The following DYNC2LI1 variants were observed in gnomAD, a reference collection of about 807,000 sequenced individuals.
DYNC2LI1 encodes dynein cytoplasmic 2 light intermediate chain 1.
Under a neutral mutation model 51.9 loss-of-function variants are expected in DYNC2LI1, and 45 were observed. The observed-to-expected ratio is 0.87, with a 90% CI of 0.68 to 1.11. The LOEUF is 1.11. DYNC2LI1 is among the 50% of genes most tolerant of loss of function. The pLI, the probability that DYNC2LI1 is intolerant of heterozygous loss-of-function variation, is 0.00. For missense variants in DYNC2LI1, 490 were observed against 417.4 expected (o/e 1.17, Z -1.51); for synonymous variants, 130 against 137.8 (o/e 0.94, Z 0.40).
chr2:43,779,717 T>G (rs942287298), intron 2 of DYNC2LI1, among the ~76,000 whole-genome samples: 6 of 152,102 alleles, frequency 3.9e-5, no homozygotes, highest in Admixed American at 3.9e-4. Flanking sequence ...GAGTGTGGAG[T>G]ATTCTAAGAT....
rs561404332 is a variant in DYNC2LI1 at position 43,809,807 on chromosome 2, A to G, written c.*40A>G. 6.4e-7 allele frequency: 1 copy of G among 1,570,946 alleles called. No homozygotes were observed. The highest frequency in any genetic ancestry group is 2.3e-5 in the East Asian group (1 of 43,266). The stretch of plus-strand genomic sequence containing the variant: ...TTGTATATTTATTTCTTCTTTTCCA[A>G]ATACAAATAAGATTATACTGTGAAT... On this transcript the variant is annotated 3_prime_UTR_variant, in exon 13 of 13. Coordinates refer to ENST00000260605, the MANE Select transcript of DYNC2LI1 (RefSeq NM_016008.4).
At chr2:43,795,102 A>G (rs1341907413) in intron 6 of DYNC2LI1, 2 of 1,000,066 alleles carry the variant, frequency 2.0e-6, no homozygotes, top group Non-Finnish European at 2.4e-6. Flanking sequence ...ATCATCTGAC[A>G]GCTAATTAAA....
chr2:43,783,467 A>G (rs1018916199), intron 2 of DYNC2LI1, 53 bp from the exon 3 acceptor site: 35 of 1,340,252 alleles, frequency 2.6e-5, no homozygotes, highest in African/African-American at 3.1e-5. Flanking sequence ...CAATAATACA[A>G]TTTTTACATA....
rs758230490 is a variant in DYNC2LI1 at position 43,794,460 on chromosome 2, G to T, written c.324G>T (p.Thr108=). 1.2e-6 allele frequency: 2 copies of T among 1,603,550 alleles called. No homozygotes were observed. The highest frequency in any genetic ancestry group is 1.1e-5 in the South Asian group (1 of 89,688). The change falls in exon 6 of 13, where the codon ACG becomes ACT. Residue 108 remains threonine (T), a synonymous_variant. Coordinates refer to ENST00000260605, the MANE Select transcript of DYNC2LI1 (RefSeq NM_016008.4). ...SIPITGDTLR[T]FSLVLVLDLS... is the part of the protein sequence containing the mutation. ...AAAAGTGTTTTTATTTCTTTAGGAC[G>T]TTTTCTCTTGTTCTCGTTCTGGATC... is the stretch of plus-strand genomic sequence containing the variant.
At chr2:43,792,757 T>A in intron 5 of DYNC2LI1, 1 of 1,545,476 alleles carries the variant, frequency 6.5e-7, no homozygotes, top group South Asian at 1.2e-5. Context: ...TCATTCATTA[T>A]TTGTCCTTTT....
chr2:43,804,997 A>T (rs1237088190), intron 11 of DYNC2LI1, among the ~76,000 whole-genome samples, 157 bp from the exon 12 acceptor site: 1 of 152,118 alleles, frequency 6.6e-6, no homozygotes, highest in African/African-American at 2.4e-5. Flanking sequence ...GACCTGGCAG[A>T]ATTGGAAGTG....
chr2:43,804,812 G>A (rs1464802481), intron 11 of DYNC2LI1, 73 bp downstream of exon 11: 1 of 881,758 alleles, frequency 1.1e-6, no homozygotes, highest in Non-Finnish European at 1.7e-6. Flanking sequence ...GTGTCAAAGG[G>A]CTTATTATGA....
rs549678206 is a variant in DYNC2LI1 at position 43,781,607 on chromosome 2, C to CT, written c.127-1900dup. On this transcript the variant is annotated intron_variant, in intron 2 of 12. Coordinates refer to ENST00000260605, the MANE Select transcript of DYNC2LI1 (RefSeq NM_016008.4). ...ATTAGAAAATCCTGATTTTCTTTTT[C>CT]TTTTTTTTTTTTTGAGACAGAGTCT... is the stretch of plus-strand genomic sequence containing the variant. The CT allele has an allele frequency of 1.1e-3, 84 of 76,250 alleles. 1 individual carries two copies. The highest frequency in any genetic ancestry group is 1.4e-3 in the Non-Finnish European group (49 of 34,600). 4.7% of individuals were successfully genotyped at this position (76,250 alleles called of 1,614,324 possible).
At chr2:43,813,364 C>G (rs1666585787), downstream of DYNC2LI1, 2 of 1,307,738 alleles carry the variant, frequency 1.5e-6, no homozygotes, top group Admixed American at 1.8e-5. Context: ...GTAATTTAAT[C>G]AACAAGTATT....
Position 43,787,476 on chromosome 2 carries a change from A to G in DYNC2LI1, c.231+226A>G, listed in dbSNP as rs548729756. On this transcript the variant is annotated intron_variant, in intron 4 of 12. Coordinates refer to ENST00000260605, the MANE Select transcript of DYNC2LI1 (RefSeq NM_016008.4). ...TATTATGTCTTAAAATGCTAGAATAAGATACCTTTTTAACTTTATTGTACA... is the reference window on the plus strand; with the variant it reads ...TATTATGTCTTAAAATGCTAGAATAGGATACCTTTTTAACTTTATTGTACA... Among the ~76,000 whole-genome samples the G allele has an allele frequency of 2.6e-5, 4 of 152,354 alleles. No homozygotes were observed. The South Asian group carries it at 8.3e-4, about 32-fold the overall frequency.
At chr2:43,824,368 C>T in the DYNC2LI1 span, 4 of 1,614,056 alleles carry the variant, frequency 2.5e-6, no homozygotes, top group South Asian at 3.3e-5. Context: ...ATTCTATCAT[C>T]TGGACTCTCT....
intron 5 of DYNC2LI1, among the ~76,000 whole-genome samples, chr2:43,792,431 A>G (rs1468388602): frequency 6.6e-6 from 1 of 152,182 alleles, no homozygotes; most frequent in East Asian, 1.9e-4. Flanking sequence ...ATATAATCCT[A>G]AACCATCAAG....
intron 8 of DYNC2LI1, among the ~76,000 whole-genome samples, chr2:43,799,892 TAATA>T (rs1666018744): frequency 6.6e-6 from 1 of 152,250 alleles, no homozygotes; most frequent in South Asian, 2.1e-4. Flanking sequence ...ATGCTTTCTT[TAATA>T]AATGTGTCAG....
rs1461829740 is a variant in DYNC2LI1 at position 43,801,709 on chromosome 2, G to A, written c.802G>A (p.Gly268Arg). The change falls in exon 10 of 13, where the codon GGA becomes AGA. Residue 268 changes from glycine to arginine, a missense_variant and splice_region_variant. Physicochemically the swap from Gly to Arg is moderately radical, Grantham distance 125. Coordinates refer to ENST00000260605, the MANE Select transcript of DYNC2LI1 (RefSeq NM_016008.4). ...TAGLDSFGQI[G>R]SPPVPENDIG... ...AGGATTGGATTCTTTCGGTCAAATA[G>A]GTTAGTGAACTTATTAAGATTGTTC... 6.2e-7 allele frequency: 1 copy of A among 1,603,792 alleles called. No homozygotes were observed. Among genetic ancestry groups the A allele is most frequent in the Non-Finnish European group, 8.5e-7 (1 of 1,173,150 alleles).
chr2:43,790,834 A>C (rs991092184), intron 5 of DYNC2LI1, among the ~76,000 whole-genome samples: 2 of 152,116 alleles, frequency 1.3e-5, no homozygotes, highest in Non-Finnish European at 2.9e-5. Flanking sequence ...GGAATTTTAC[A>C]GTTATATAGT....
intron 8 of DYNC2LI1, among the ~76,000 whole-genome samples, chr2:43,797,054 AT>A (rs896653967): frequency 2.0e-5 from 3 of 152,210 alleles, no homozygotes; most frequent in African/African-American, 7.2e-5. Flanking sequence ...GTTTAAAGAG[AT>A]AAGTTGATGA....
At chr2:43,806,842 C>T (rs1428369700) in intron 12 of DYNC2LI1, among the ~76,000 whole-genome samples, 1 of 152,134 alleles carries the variant, frequency 6.6e-6, no homozygotes, top group Admixed American at 6.5e-5. Context: ...CTTCATTCAT[C>T]TCTTGTATCT....
At chr2:43,787,383 TA>T in intron 4 of DYNC2LI1, 133 bp downstream of exon 4, 1 of 692,138 alleles carries the variant, frequency 1.4e-6, no homozygotes, top group South Asian at 2.1e-5. Context: ...TGTCTACCAT[TA>T]AACTTCAAAT....
intron 2 of DYNC2LI1, chr2:43,781,784 A>T (rs1465949955): frequency 2.6e-5 from 4 of 151,652 alleles, no homozygotes; most frequent in African/African-American, 9.7e-5. Flanking sequence ...TTGTATTTTT[A>T]GTAGAGTTGG....
Sources: allele counts gnomAD v4.1 joint callset (sites outside exome capture counted in the v4.1 genomes callset), GRCh38; gene constraint gnomAD v4.1.1; transcripts MANE v1.5; gene names NCBI Gene and HGNC (gene_info 2026-07-23, HGNC 2026-07-21).